PATJ: variants seen among roughly 807,000 people sequenced by gnomAD.
PATJ encodes PATJ crumbs cell polarity complex component.
In PATJ, 190 loss-of-function variants were observed where a neutral mutation model predicts 224.9. That is an observed-to-expected ratio of 0.84 (90% CI 0.75 to 0.95). The LOEUF (loss-of-function observed/expected upper bound fraction) is 0.95, where lower values mean the gene tolerates loss of function less well. PATJ is among the 40% of genes least tolerant of loss of function. The probability of loss-of-function intolerance (pLI) is 0.00; values close to 1 mark genes in which losing one functional copy is unlikely to be tolerated. For synonymous variants in PATJ, 769 were observed against 820.3 expected (o/e 0.94, Z 1.07); for missense variants, 2,121 against 2,270.3 (o/e 0.93, Z 1.34).
At chr1:61,806,393 G>A (rs1653544076) in intron 13 of PATJ, among the ~76,000 whole-genome samples, 1 of 152,106 alleles carries the variant, frequency 6.6e-6, no homozygotes, top group African/African-American at 2.4e-5. Context: ...GCCGAGGCGG[G>A]CGGATCACGA....
chr1:61,884,074 A>G lies in PATJ; in HGVS notation c.2960-163A>G, dbSNP rs142232931. Among the ~76,000 whole-genome samples, 570 of 152,170 alleles carry G rather than the reference A, an allele frequency of 3.7e-3. 2 individuals carry two copies. Among genetic ancestry groups the G allele is most frequent in the African/African-American group, 0.013 (525 of 41,516 alleles). On this transcript the variant is annotated intron_variant, in intron 21 of 43. Coordinates refer to ENST00000642238, the MANE Select transcript of PATJ (RefSeq NM_001350145.3). ...TTCTTTATTTTTCACCATTGTACCT[A>G]TCATCATCTGATATATTAAAGCCTT... is the stretch of plus-strand genomic sequence containing the variant.
intron 23 of PATJ, among the ~76,000 whole-genome samples, chr1:61,900,869 G>A (rs1157355823): frequency 6.6e-6 from 1 of 152,216 alleles, no homozygotes; most frequent in African/African-American, 2.4e-5. Flanking sequence ...GATTACAGGC[G>A]TGAGCCACCG....
At chr1:62,010,729 G>C (rs1646396842) in intron 28 of PATJ, among the ~76,000 whole-genome samples, 1 of 152,136 alleles carries the variant, frequency 6.6e-6, no homozygotes, top group South Asian at 2.1e-4. Flanking sequence ...GAGTTTAATT[G>C]ACTCATGGTT....
chr1:62,156,309 C>G (rs1177262119), intron 43 of PATJ, among the ~76,000 whole-genome samples: 1 of 151,730 alleles, frequency 6.6e-6, no homozygotes, highest in Non-Finnish European at 1.5e-5. Flanking sequence ...GCAGGCTGAT[C>G]ACTTGAGGTC....
At chr1:61,929,162 TGATATA>T (rs1675652350) in intron 27 of PATJ, among the ~76,000 whole-genome samples, 1 of 152,248 alleles carries the variant, frequency 6.6e-6, no homozygotes, top group Admixed American at 6.5e-5. Context: ...TTCCTTGTTC[TGATATA>T]GATATCATGT....
intron 20 of PATJ, among the ~76,000 whole-genome samples, chr1:61,870,545 G>C (rs1666175798): frequency 6.6e-6 from 1 of 152,048 alleles, no homozygotes; most frequent in Non-Finnish European, 1.5e-5. Context: ...AAATTTCTCT[G>C]CCTCCTGTCA....
chr1:61,911,291 G>A (rs1472522868), intron 25 of PATJ, among the ~76,000 whole-genome samples: 2 of 152,134 alleles, frequency 1.3e-5, no homozygotes, highest in African/African-American at 4.8e-5. Flanking sequence ...TCAGCTCACT[G>A]CAACCTCCGC....
intron 30 of PATJ, among the ~76,000 whole-genome samples, chr1:62,047,789 G>A (rs1295531409): frequency 6.6e-6 from 1 of 152,232 alleles, no homozygotes; most frequent in African/African-American, 2.4e-5. Context: ...ATTAACTTGG[G>A]TATGTTTATT....
At chr1:61,946,075 C>A (rs917118493) in intron 27 of PATJ, among the ~76,000 whole-genome samples, 18 of 151,986 alleles carry the variant, frequency 1.2e-4, no homozygotes, top group Non-Finnish European at 2.1e-4. Context: ...CAGTGTGTAG[C>A]GGGAAATTTA....
At chr1:61,793,596 G>A (rs1211246869) in intron 9 of PATJ, among the ~76,000 whole-genome samples, 1 of 151,302 alleles carries the variant, frequency 6.6e-6, no homozygotes, top group Non-Finnish European at 1.5e-5. Flanking sequence ...AAAAAAAATT[G>A]TAGCCGCAGC....
At chr1:61,998,403 T>C (rs1645547262) in intron 28 of PATJ, among the ~76,000 whole-genome samples, 1 of 151,620 alleles carries the variant, frequency 6.6e-6, no homozygotes, top group Admixed American at 6.6e-5. Flanking sequence ...TTTATTTTAT[T>C]TGTTGTAGAG....
In PATJ at chr1:61,797,301, C is replaced by T. The variant is rs2148556914; in HGVS notation, c.1275C>T (p.Asn425=). 6.2e-7 allele frequency: 1 copy of T among 1,612,974 alleles called. No homozygotes were observed. Among genetic ancestry groups the T allele is most frequent in the East Asian group, 2.2e-5 (1 of 44,850 alleles). ...NDKIVAVDGV[N]IQGFANHDVV... ...TGATGTTTTAGGTCGATGGCGTGAA[C>T]ATTCAGGGTTTTGCCAACCATGATG... The change falls in exon 11 of 44, where the codon AAC becomes AAT. Residue 425 remains asparagine, a synonymous_variant. Transcript: ENST00000642238.
chr1:62,151,626 A>C (rs186629994), intron 42 of PATJ, among the ~76,000 whole-genome samples: 7 of 152,266 alleles, frequency 4.6e-5, no homozygotes, highest in Admixed American at 1.3e-4. Context: ...AAAATTGAGG[A>C]GGGAGAGAGG....
At chr1:61,757,018 G>A (rs1645684194) in intron 1 of PATJ, among the ~76,000 whole-genome samples, 1 of 150,786 alleles carries the variant, frequency 6.6e-6, no homozygotes, top group African/African-American at 2.4e-5. Flanking sequence ...ATGCCTTATA[G>A]TATAATTATC....
At chr1:62,016,181 A>T (rs1400126173) in intron 28 of PATJ, among the ~76,000 whole-genome samples, 7 of 152,198 alleles carry the variant, frequency 4.6e-5, no homozygotes, top group African/African-American at 1.7e-4. Context: ...TCAGCCTTGG[A>T]TATGAATCCC....
chr1:61,977,532 G>A (rs1445633482), intron 27 of PATJ, among the ~76,000 whole-genome samples: 1 of 151,960 alleles, frequency 6.6e-6, no homozygotes, highest in Non-Finnish European at 1.5e-5. Flanking sequence ...TAATTGATAG[G>A]TTGTTTACAG....
At chr1:61,981,916 G>T (rs575098952) in intron 27 of PATJ, among the ~76,000 whole-genome samples, 116 of 152,136 alleles carry the variant, frequency 7.6e-4, no homozygotes, top group Middle Eastern at 3.4e-3. Flanking sequence ...TGATCCACCC[G>T]CCTTGGCCTC....
At chr1:61,890,178 T>C (rs1571138259) in intron 22 of PATJ, among the ~76,000 whole-genome samples, 1 of 152,290 alleles carries the variant, frequency 6.6e-6, no homozygotes, top group Non-Finnish European at 1.5e-5. Context: ...GTTCTGTAGA[T>C]TGAATAAAAA....
intron 31 of PATJ, chr1:62,073,428 G>C: frequency 1.9e-6 from 1 of 525,492 alleles, no homozygotes; most frequent in Non-Finnish European, 2.4e-6. Flanking sequence ...TTCCAGACCA[G>C]ACTGGCCAAC....
Sources: gnomAD v4.1 joint callset for allele counts (sites outside exome capture counted in the v4.1 genomes callset) on GRCh38, gnomAD v4.1.1 for gene constraint, MANE v1.5 for transcripts, NCBI Gene and HGNC (gene_info 2026-07-23, HGNC 2026-07-21) for gene names.